The following OPRK1 variants were observed in gnomAD, a reference collection of about 807,000 sequenced individuals.
OPRK1 encodes opioid receptor kappa 1, also known as kappa-type opioid receptor.
In OPRK1, 15 loss-of-function variants were observed where a neutral mutation model predicts 24.5. The ratio of observed to expected loss-of-function variants is 0.61; its 90% CI spans 0.41 to 0.94. OPRK1 has a LOEUF of 0.94. OPRK1 is among the 40% of genes least tolerant of loss of function. OPRK1 has a pLI of 0.00. For missense variants in OPRK1, 479 were observed against 507.3 expected, an observed-to-expected ratio of 0.94 and a Z score of 0.54; for synonymous variants, 205 against 198.0, an observed-to-expected ratio of 1.04 and a Z score of -0.30.
intron 3 of OPRK1, among the ~76,000 whole-genome samples, chr8:53,231,637 T>C (rs1208933701): frequency 6.6e-6 from 1 of 152,178 alleles, no homozygotes; most frequent in Non-Finnish European, 1.5e-5. Flanking sequence ...GTGAACTGCC[T>C]TAGTGGAGAA....
At chr8:53,238,270 C>T (rs1046283695) in intron 2 of OPRK1, among the ~76,000 whole-genome samples, 1 of 152,130 alleles carries the variant, frequency 6.6e-6, no homozygotes, top group Non-Finnish European at 1.5e-5. Flanking sequence ...CACTGCTTTA[C>T]AAAAATTCAC....
chr8:53,242,719 G>A, intron 2 of OPRK1: 1 of 738,112 alleles, frequency 1.4e-6, no homozygotes, highest in South Asian at 2.2e-5. Context: ...TGTTAGCCAG[G>A]ATGGTCTCCA....
Position 53,229,199 on chromosome 8 carries a change from A to G in OPRK1, c.*98T>C, listed in dbSNP as rs1326439405. The G allele has an allele frequency of 3.6e-6, 5 of 1,383,228 alleles. No individual in the cohort carries two copies. Among genetic ancestry groups the G allele is most frequent in the Non-Finnish European group, 4.9e-6 (5 of 1,018,344 alleles). 85.7% of individuals were successfully genotyped at this position (1,383,228 alleles called of 1,614,324 possible). On this transcript the variant is annotated 3_prime_UTR_variant, in exon 4 of 4. Transcript: ENST00000265572. ...TCTCTAAAAGTTTATTTTAAATTCT[A>G]TCTTTTCATGTCAGACTGCAGTAGT...
At chr8:53,235,171 T>C (rs1168501578) in intron 2 of OPRK1, 60 bp from the exon 3 acceptor site, 21 of 1,434,686 alleles carry the variant, frequency 1.5e-5, no homozygotes, top group Non-Finnish European at 2.0e-5. Flanking sequence ...ATAAGGTGAA[T>C]GTGTTTGTGA....
chr8:53,239,790 A>G (rs1248740596), intron 2 of OPRK1, among the ~76,000 whole-genome samples: 1 of 152,198 alleles, frequency 6.6e-6, no homozygotes, highest in Non-Finnish European at 1.5e-5. Context: ...CACAGCCCTA[A>G]TAAGCCATAT....
Position 53,226,440 on chromosome 8 carries a change from G to T in OPRK1, c.*2857C>A, listed in dbSNP as rs1000713948. ...GTCTTCCAGACCTTCTTACCAGGGT[G>T]GAAAGAATAGGGTTCATGTAGAGAA... On this transcript the variant is annotated 3_prime_UTR_variant, in exon 4 of 4. Coordinates refer to ENST00000265572, the MANE Select transcript of OPRK1 (RefSeq NM_000912.5). 1 of 152,216 alleles carries T rather than the reference G, an allele frequency of 6.6e-6. No individual in the cohort carries two copies. The highest frequency in any genetic ancestry group is 1.5e-5 in the Non-Finnish European group (1 of 68,076). 9.4% of individuals were successfully genotyped at this position (152,216 alleles called of 1,614,324 possible).
intron 2 of OPRK1, among the ~76,000 whole-genome samples, chr8:53,236,576 A>C (rs1807002474): frequency 6.6e-6 from 1 of 152,220 alleles, no homozygotes; most frequent in African/African-American, 2.4e-5. Flanking sequence ...AGACATTATT[A>C]AATGACCTAT....
intron 2 of OPRK1, among the ~76,000 whole-genome samples, chr8:53,239,127 C>T (rs1258682172): frequency 6.6e-6 from 1 of 152,102 alleles, no homozygotes; most frequent in Non-Finnish European, 1.5e-5. Flanking sequence ...TGCACTTGTC[C>T]CCTATGGTGA....
Position 53,230,860 on chromosome 8 carries a change from A to C in OPRK1, c.611-1031T>G, listed in dbSNP as rs992138246. ...CACCATGAGCGTGATTACAGTAATGAAAATATTTTTTTCTGACACTGGAAA... is the reference window on the plus strand; with the variant it reads ...CACCATGAGCGTGATTACAGTAATGCAAATATTTTTTTCTGACACTGGAAA... On this transcript the variant is annotated intron_variant, in intron 3 of 3. Transcript: ENST00000265572. 2.6e-5 allele frequency among the ~76,000 whole-genome samples: 4 copies of C among 152,220 alleles called. No homozygotes were observed. In the East Asian group the frequency reaches 5.8e-4, roughly 22 times the overall value.
At chr8:53,248,305 T>G (rs1219943915) in intron 2 of OPRK1, among the ~76,000 whole-genome samples, 2 of 152,082 alleles carry the variant, frequency 1.3e-5, no homozygotes, top group African/African-American at 4.8e-5. Context: ...TCTCCCCAGG[T>G]CTGAGCTGAA....
chr8:53,233,785 A>C (rs1806912613), intron 3 of OPRK1, among the ~76,000 whole-genome samples: 1 of 152,174 alleles, frequency 6.6e-6, no homozygotes. Context: ...GCTGTACCCC[A>C]GGTCAATTAC....
chr8:53,241,019 T>C (rs1220165748), intron 2 of OPRK1, among the ~76,000 whole-genome samples: 3 of 152,116 alleles, frequency 2.0e-5, no homozygotes, highest in Non-Finnish European at 4.4e-5. Context: ...TAATGAACTC[T>C]GATGTAAGGT....
intron 2 of OPRK1, among the ~76,000 whole-genome samples, chr8:53,237,763 T>A (rs1260431556): frequency 6.6e-6 from 1 of 152,232 alleles, no homozygotes; most frequent in African/African-American, 2.4e-5. Flanking sequence ...TCCCCGTATC[T>A]TACTTGATTC....
chr8:53,243,992 A>T (rs1369492076), intron 2 of OPRK1, among the ~76,000 whole-genome samples: 2 of 152,184 alleles, frequency 1.3e-5, no homozygotes, highest in Non-Finnish European at 2.9e-5. Context: ...GAGAATGTGG[A>T]ACATGTATGT....
At chr8:53,231,209 G>A (rs931620832) in intron 3 of OPRK1, among the ~76,000 whole-genome samples, 80 of 151,980 alleles carry the variant, frequency 5.3e-4, no homozygotes, top group African/African-American at 1.9e-3. Context: ...TTTTGCTTTA[G>A]TGTTTATGGT....
chr8:53,248,940 AAC>A (rs1807302310), intron 2 of OPRK1, among the ~76,000 whole-genome samples: 1 of 152,226 alleles, frequency 6.6e-6, no homozygotes. Flanking sequence ...ATCCCCTTAT[AAC>A]ACACTTTAGT....
Position 53,229,195 on chromosome 8 carries a change from T to TTCTA in OPRK1, c.*98_*101dup. 1 of 1,361,428 alleles carries TTCTA rather than the reference T, an allele frequency of 7.3e-7. No homozygotes were observed. Among genetic ancestry groups the TTCTA allele is most frequent in the Non-Finnish European group, 1.0e-6 (1 of 1,000,836 alleles). The allele number at this position is 1,361,428 out of a possible 1,614,324, so 84.3% of individuals were successfully genotyped here. ...GAGATCTCTAAAAGTTTATTTTAAA[T>TTCTA]TCTATCTTTTCATGTCAGACTGCAG... On this transcript the variant is annotated 3_prime_UTR_variant, in exon 4 of 4. Transcript: ENST00000265572.
At chr8:53,233,328 G>C (rs899433039) in intron 3 of OPRK1, among the ~76,000 whole-genome samples, 4 of 152,232 alleles carry the variant, frequency 2.6e-5, no homozygotes, top group South Asian at 2.1e-4. Context: ...GTGCCTGTGT[G>C]GGGTAAATGG....
At chr8:53,233,241 T>G (rs2128808264) in intron 3 of OPRK1, among the ~76,000 whole-genome samples, 1 of 152,242 alleles carries the variant, frequency 6.6e-6, no homozygotes, top group African/African-American at 2.4e-5. Flanking sequence ...TCCTGTAAAC[T>G]CCAGGCTCTG....
Sources: allele counts gnomAD v4.1 joint callset (sites outside exome capture counted in the v4.1 genomes callset), GRCh38; gene constraint gnomAD v4.1.1; transcripts MANE v1.5; gene names NCBI Gene and HGNC (gene_info 2026-07-23, HGNC 2026-07-21).